ZCCHC4: variants seen among roughly 807,000 people sequenced by gnomAD.
ZCCHC4 encodes the protein zinc finger CCHC-type containing 4.
ZCCHC4 carries 54 observed loss-of-function variants against 67.7 expected under a neutral mutation model. The observed-to-expected ratio is 0.80, with a 90% CI of 0.64 to 1.00. The LOEUF (loss-of-function observed/expected upper bound fraction) is 1.00, where lower values mean the gene tolerates loss of function less well. Ranked by LOEUF, ZCCHC4 falls within the 50% of genes least tolerant of loss-of-function variation. The pLI, the probability that ZCCHC4 is intolerant of heterozygous loss-of-function variation, is 0.00. For synonymous variants in ZCCHC4, 198 were observed against 213.5 expected (o/e 0.93, Z 0.63); for missense variants, 609 against 617.0 (o/e 0.99, Z 0.14).
rs538363295 is a variant in ZCCHC4 at position 25,351,597 on chromosome 4, C to A, written c.919C>A (p.His307Asn). ...TTTTTGTGATCCATTAGATGACAGT[C>A]ACAAAGAACTACCCATTTTCTGGAT... ...WKEGQSQDDSHKELPIFWIFP... is the reference protein window; with the variant it reads ...WKEGQSQDDSNKELPIFWIFP... The change falls in exon 8 of 13, where the codon CAC becomes AAC. Residue 307 changes from histidine to asparagine, a missense_variant. By Grantham distance (68) the His-to-Asn change is moderately conservative (BLOSUM62 1). Transcript: ENST00000302874. 51 of 1,606,692 alleles carry A rather than the reference C, an allele frequency of 3.2e-5. 1 individual carries two copies. The East Asian group carries it at 1.1e-3, about 36-fold the overall frequency.
chr4:25,351,985 G>A (rs1257169841), intron 8 of ZCCHC4: 22 of 1,049,726 alleles, frequency 2.1e-5, no homozygotes, highest in Non-Finnish European at 2.5e-5. Context: ...GGTTTAGAGC[G>A]GCTGATTTAG....
intron 12 of ZCCHC4, among the ~76,000 whole-genome samples, 200 bp from the exon 13 acceptor site, chr4:25,368,829 T>C (rs2109098429): frequency 6.6e-6 from 1 of 152,380 alleles, no homozygotes; most frequent in East Asian, 1.9e-4. Context: ...AATTTTTTTT[T>C]CTCAAACATT....
chr4:25,362,868 C>T (rs972018473), intron 10 of ZCCHC4, among the ~76,000 whole-genome samples: 1 of 152,080 alleles, frequency 6.6e-6, no homozygotes, highest in African/African-American at 2.4e-5. Context: ...TTCTTTAAAG[C>T]AGTTTTAGGT....
chr4:25,313,240 AT>A (rs1718050112), intron 1 of ZCCHC4, among the ~76,000 whole-genome samples: 1 of 152,196 alleles, frequency 6.6e-6, no homozygotes, highest in Non-Finnish European at 1.5e-5. Context: ...GTACTTGGGG[AT>A]TTCATTTGTT....
In ZCCHC4 at chr4:25,314,043, T is replaced by C. The variant is rs764589491; in HGVS notation, c.128-3T>C. ...TTTTTTTTTTTTTCTATTCTGGAAC[T>C]AGGACCCACTCTTCTGTTTGTAAAG... is the stretch of plus-strand genomic sequence containing the variant. On this transcript the variant is annotated splice_polypyrimidine_tract_variant and splice_region_variant and intron_variant, in intron 1 of 12. Coordinates refer to ENST00000302874, the MANE Select transcript of ZCCHC4 (RefSeq NM_024936.3). The C allele has an allele frequency of 1.5e-6, 2 of 1,342,756 alleles. No individual in the cohort carries two copies. The highest frequency in any genetic ancestry group is 2.1e-6 in the Non-Finnish European group (2 of 955,802). 83.2% of individuals were successfully genotyped at this position (1,342,756 alleles called of 1,614,324 possible).
rs377355867 is a variant in ZCCHC4, at chr4:25,349,687, A to G, written c.910+45A>G. On this transcript the variant is annotated intron_variant, in intron 7 of 12. Coordinates refer to ENST00000302874, the MANE Select transcript of ZCCHC4 (RefSeq NM_024936.3). ...AAAATAAATACATATCTATATATCT[A>G]CTTCCTGTCAAATATTAGCTGAGCT... The G allele has an allele frequency of 5.7e-6, 9 of 1,579,970 alleles. No homozygotes were observed. The African/African-American group carries it at 1.1e-4, about 19-fold the overall frequency.
chr4:25,360,413 T>C (rs769189812), intron 8 of ZCCHC4, among the ~76,000 whole-genome samples: 8 of 152,242 alleles, frequency 5.3e-5, no homozygotes, highest in Non-Finnish European at 1.2e-4. Context: ...GAGAACACCC[T>C]TGGGCTTTTG....
At chr4:25,368,346 T>C (rs1183958076) in intron 12 of ZCCHC4, among the ~76,000 whole-genome samples, 1 of 152,194 alleles carries the variant, frequency 6.6e-6, no homozygotes, top group African/African-American at 2.4e-5. Context: ...CCAGTCATTT[T>C]CTCAGCTGCA....
Position 25,333,297 on chromosome 4 carries a change from T to C in ZCCHC4, c.444T>C (p.Asn148=). The change falls in exon 4 of 13, where the codon AAT becomes AAC. Residue 148 remains asparagine, a synonymous_variant. Coordinates refer to ENST00000302874, the MANE Select transcript of ZCCHC4 (RefSeq NM_024936.3). Reference sequence around the variant, plus strand: ...ATAGTGAGCATCAGGTTCTGGGTAATGTGTCCATTACCCAGTTAAGAAGGC... The same window carrying C: ...ATAGTGAGCATCAGGTTCTGGGTAACGTGTCCATTACCCAGTTAAGAAGGC... The part of the protein sequence containing the change: ...GQHSEHQVLG[N]VSITQLRRPS... 1 of 1,614,164 alleles carries C rather than the reference T, an allele frequency of 6.2e-7. No homozygotes were observed. The highest frequency in any genetic ancestry group is 8.5e-7 in the Non-Finnish European group (1 of 1,180,016).
At chr4:25,351,748 A>G in intron 8 of ZCCHC4, 59 bp downstream of exon 8, 2 of 1,338,770 alleles carry the variant, frequency 1.5e-6, no homozygotes, top group Non-Finnish European at 2.1e-6. Flanking sequence ...ACTTGAATAG[A>G]TATAAGACTA....
intron 6 of ZCCHC4, 67 bp from the exon 7 acceptor site, chr4:25,349,425 C>G: frequency 6.7e-7 from 1 of 1,496,402 alleles, no homozygotes; most frequent in Non-Finnish European, 9.2e-7. Context: ...CTAATGCATT[C>G]TCCTCCAAAT....
chr4:25,344,299 G>C (rs1337900735), intron 5 of ZCCHC4, among the ~76,000 whole-genome samples: 1 of 151,976 alleles, frequency 6.6e-6, no homozygotes, highest in African/African-American at 2.4e-5. Context: ...AAAATGATGA[G>C]TTCATGTCCT....
chr4:25,344,521 G>T (rs978255522), intron 5 of ZCCHC4, among the ~76,000 whole-genome samples: 2 of 149,984 alleles, frequency 1.3e-5, no homozygotes, highest in African/African-American at 2.4e-5. Flanking sequence ...TAAATGATGA[G>T]TTAATGGGTA....
Position 25,333,469 on chromosome 4 carries a change from T to C in ZCCHC4, c.605+11T>C, listed in dbSNP as rs1719292673. 1 of 1,612,186 alleles carries C rather than the reference T, an allele frequency of 6.2e-7. No individual in the cohort carries two copies. Among genetic ancestry groups the C allele is most frequent in the Non-Finnish European group, 8.5e-7 (1 of 1,178,930 alleles). ...TGTTGGAACACCAAGGTATGTCATG[T>C]GATTTTTTAAAGAATTATCTTCTCA... is the stretch of plus-strand genomic sequence containing the variant. On this transcript the variant is annotated intron_variant, in intron 4 of 12. Transcript: ENST00000302874.
At chr4:25,358,723 C>G (rs1720607463) in intron 8 of ZCCHC4, among the ~76,000 whole-genome samples, 2 of 152,242 alleles carry the variant, frequency 1.3e-5, no homozygotes, top group South Asian at 4.1e-4. Context: ...GTGCACAACT[C>G]TGCACGTTAT....
At chr4:25,336,413 A>T (rs535825328) in intron 5 of ZCCHC4, among the ~76,000 whole-genome samples, 65 of 152,182 alleles carry the variant, frequency 4.3e-4, no homozygotes, top group Non-Finnish European at 8.5e-4. Context: ...AAAGTATTAA[A>T]TTATTCTAAA....
At chr4:25,325,968 T>C (rs1718859982) in intron 3 of ZCCHC4, among the ~76,000 whole-genome samples, 1 of 152,218 alleles carries the variant, frequency 6.6e-6, no homozygotes, top group Admixed American at 6.5e-5. Context: ...AATATTATCC[T>C]TTCCTTGTTG....
intron 8 of ZCCHC4, among the ~76,000 whole-genome samples, chr4:25,357,115 A>G (rs1261714701): frequency 2.0e-5 from 3 of 152,110 alleles, no homozygotes; most frequent in Non-Finnish European, 4.4e-5. Context: ...ACTTCCAACC[A>G]TTGGTCCTAG....
At chr4:25,322,966 T>A (rs1303986818) in intron 3 of ZCCHC4, among the ~76,000 whole-genome samples, 1 of 152,234 alleles carries the variant, frequency 6.6e-6, no homozygotes, top group Non-Finnish European at 1.5e-5. Flanking sequence ...TCTGCATTTC[T>A]CCTTCCCCAG....
Sources: gnomAD v4.1 joint callset for allele counts (sites outside exome capture counted in the v4.1 genomes callset) on GRCh38, gnomAD v4.1.1 for gene constraint, MANE v1.5 for transcripts, NCBI Gene and HGNC (gene_info 2026-07-23, HGNC 2026-07-21) for gene names.